Variants in GRIK3 observed in about 807,000 individuals in gnomAD.
GRIK3 encodes glutamate receptor ionotropic, kainate 3.
In GRIK3, 29 loss-of-function variants were observed where a neutral mutation model predicts 102.5. The observed-to-expected ratio is 0.28, with a 90% CI of 0.21 to 0.39. The LOEUF (loss-of-function observed/expected upper bound fraction) is 0.39. GRIK3 is among the 10% of genes least tolerant of loss of function. The pLI is 1.00. For synonymous variants in GRIK3, 511 were observed against 504.9 expected, an observed-to-expected ratio of 1.01 and a Z score of -0.16; for missense variants, 908 against 1,252.4, an observed-to-expected ratio of 0.73 and a Z score of 4.15.
intron 1 of GRIK3, among the ~76,000 whole-genome samples, chr1:36,984,666 G>A (rs1371343094): frequency 6.6e-6 from 1 of 152,226 alleles, no homozygotes; most frequent in Non-Finnish European, 1.5e-5. Flanking sequence ...CCTTGGGAGA[G>A]AAGAAAGAAG....
At chr1:36,903,693 A>G (rs1463792357) in intron 1 of GRIK3, among the ~76,000 whole-genome samples, 1 of 152,278 alleles carries the variant, frequency 6.6e-6, no homozygotes, top group Non-Finnish European at 1.5e-5. Flanking sequence ...AGTGCCTATC[A>G]CTAAGCGAAT....
At chr1:36,951,816 G>C (rs1570818039) in intron 1 of GRIK3, among the ~76,000 whole-genome samples, 2 of 152,138 alleles carry the variant, frequency 1.3e-5, no homozygotes, top group South Asian at 2.1e-4. Flanking sequence ...GGCAGAAATG[G>C]GGGGAACAGG....
chr1:36,801,746 A>C lies in GRIK3; in HGVS notation c.*105T>G. 1.0e-6 allele frequency: 1 copy of C among 968,016 alleles called. No individual in the cohort carries two copies. Among genetic ancestry groups the C allele is most frequent in the Non-Finnish European group, 1.5e-6 (1 of 684,586 alleles). 60.0% of individuals were successfully genotyped at this position (968,016 alleles called of 1,614,324 possible). On this transcript the variant is annotated 3_prime_UTR_variant, in exon 16 of 16. Coordinates refer to ENST00000373091, the MANE Select transcript of GRIK3 (RefSeq NM_000831.4). ...GCTCCTGGCCCAACAGGCAGGTGGC[A>C]GCTCTGGTCCCCAAGCCCAGTGCGG...
intron 1 of GRIK3, among the ~76,000 whole-genome samples, chr1:36,936,955 G>A (rs1470599000): frequency 1.3e-5 from 2 of 152,176 alleles, no homozygotes; most frequent in African/African-American, 4.8e-5. Context: ...AACAGGTGCG[G>A]GGGGTAGGAT....
rs910482377 is a variant in GRIK3 at position 36,819,567 on chromosome 1, G to C, written c.1873+169C>G. On this transcript the variant is annotated intron_variant, in intron 12 of 15. Transcript: ENST00000373091. This position sits in a 1 kb window ranked among gnomAD's most constrained non-coding sequence, Gnocchi z 4.1. Reference sequence around the variant, plus strand: ...AGTGAAGGTGGAAGTTAGGGGTCTGGGGCAAGGGCACACACCTGGGTATCT... The same window carrying C: ...AGTGAAGGTGGAAGTTAGGGGTCTGCGGCAAGGGCACACACCTGGGTATCT... 6.6e-6 allele frequency among the ~76,000 whole-genome samples: 1 copy of C among 152,206 alleles called. No homozygotes were observed. The highest frequency in any genetic ancestry group is 1.5e-5 in the Non-Finnish European group (1 of 68,028).
chr1:36,858,532 C>T (rs1443913977), intron 7 of GRIK3, among the ~76,000 whole-genome samples: 1 of 152,196 alleles, frequency 6.6e-6, no homozygotes, highest in East Asian at 1.9e-4. Flanking sequence ...CTAGAATCAG[C>T]TCCATTGATG....
chr1:36,862,911 C>T (rs1557706502), intron 5 of GRIK3, among the ~76,000 whole-genome samples: 1 of 152,222 alleles, frequency 6.6e-6, no homozygotes, highest in Non-Finnish European at 1.5e-5. Flanking sequence ...GTGACAGCTA[C>T]TGGGTACATA....
chr1:36,883,729 AGGCCCTGGGAAAGGG>A (rs552461286), intron 2 of GRIK3, among the ~76,000 whole-genome samples: 218 of 152,340 alleles, frequency 1.4e-3, no homozygotes, highest in African/African-American at 5.1e-3. Context: ...ATCAAAGCAC[AGGCCCTGGGAAAGGG>A]TCCCTCTCGC....
chr1:36,871,947 C>T (rs988251502), intron 4 of GRIK3, among the ~76,000 whole-genome samples: 2 of 152,274 alleles, frequency 1.3e-5, no homozygotes, highest in Middle Eastern at 3.4e-3. Context: ...TGTGTCAGGC[C>T]GGGCTGGGCG....
At chr1:36,988,364 C>G (rs1055184736) in intron 1 of GRIK3, among the ~76,000 whole-genome samples, 3 of 152,224 alleles carry the variant, frequency 2.0e-5, no homozygotes, top group African/African-American at 7.2e-5. Flanking sequence ...CATTGCTGAC[C>G]CAGTGGGGCA....
At chr1:37,028,083 G>T (rs565972525) in intron 1 of GRIK3, among the ~76,000 whole-genome samples, 1 of 152,252 alleles carries the variant, frequency 6.6e-6, no homozygotes, top group Non-Finnish European at 1.5e-5. Context: ...AAGGGATGTT[G>T]GCAAGAAGGA....
intron 7 of GRIK3, among the ~76,000 whole-genome samples, chr1:36,857,013 C>T (rs564874388): frequency 2.0e-5 from 3 of 152,214 alleles, no homozygotes; most frequent in Non-Finnish European, 2.9e-5. Flanking sequence ...GTGCGACACA[C>T]GTGCCAAAAC....
At chr1:36,853,066 G>A (rs994447058) in intron 8 of GRIK3, among the ~76,000 whole-genome samples, 5 of 152,198 alleles carry the variant, frequency 3.3e-5, no homozygotes, top group South Asian at 2.1e-4. Context: ...AGCCCAGAGC[G>A]AAGGAGCTCA....
chr1:36,948,931 G>A (rs778578019), intron 1 of GRIK3, among the ~76,000 whole-genome samples: 2 of 152,188 alleles, frequency 1.3e-5, no homozygotes, highest in Non-Finnish European at 2.9e-5. Flanking sequence ...GCTAGAAGAC[G>A]CTCAGGGACC....
chr1:36,957,540 C>CCGTGAGT (rs1641933575), intron 1 of GRIK3, among the ~76,000 whole-genome samples: 12 of 10,178 alleles, frequency 1.2e-3, no homozygotes, highest in Admixed American at 3.1e-3. Context: ...TGCCCCGTGT[C>CCGTGAGT]CTGTGCCCCG....
At chr1:36,976,892 G>A (rs1642201908) in intron 1 of GRIK3, among the ~76,000 whole-genome samples, 1 of 152,102 alleles carries the variant, frequency 6.6e-6, no homozygotes, top group African/African-American at 2.4e-5. Context: ...CTGCCAAAAA[G>A]GCTTCTAGAC....
intron 1 of GRIK3, among the ~76,000 whole-genome samples, chr1:36,911,912 C>T (rs1291488264): frequency 6.6e-6 from 1 of 152,122 alleles, no homozygotes; most frequent in Non-Finnish European, 1.5e-5. Context: ...GGCTGTCCCA[C>T]CTCCGCGGTC....
intron 9 of GRIK3, among the ~76,000 whole-genome samples, chr1:36,849,342 C>G (rs944444493): frequency 6.6e-6 from 1 of 152,196 alleles, no homozygotes; most frequent in African/African-American, 2.4e-5. Flanking sequence ...ACCAGTCTGT[C>G]CTGGGTTCTG....
At chr1:37,030,841 C>A (rs922669951) in intron 1 of GRIK3, among the ~76,000 whole-genome samples, 6 of 152,158 alleles carry the variant, frequency 3.9e-5, no homozygotes, top group African/African-American at 1.4e-4. Flanking sequence ...ACATACCAAC[C>A]ATTAAGGCCA....
Sources: gnomAD v4.1 joint callset for allele counts (sites outside exome capture counted in the v4.1 genomes callset) on GRCh38, gnomAD v4.1.1 for gene constraint, Gnocchi (gnomAD v3.1) non-coding constraint, MANE v1.5 for transcripts, NCBI Gene and HGNC (gene_info 2026-07-23, HGNC 2026-07-21) for gene names.